Variants in FAM53B observed in about 807,000 individuals in gnomAD.
The protein encoded by FAM53B is family with sequence similarity 53 member B.
FAM53B carries 12 observed loss-of-function variants against 32.7 expected under a neutral mutation model. That is an observed-to-expected ratio of 0.37 (90% CI 0.24 to 0.59). FAM53B has a LOEUF of 0.59. Ranked by LOEUF, FAM53B falls within the 20% of genes least tolerant of loss-of-function variation. The probability of loss-of-function intolerance (pLI) is 0.72; values close to 1 mark genes in which losing one functional copy is unlikely to be tolerated. For synonymous variants in FAM53B, 234 were observed against 228.7 expected, an observed-to-expected ratio of 1.02 and a Z score of -0.21; for missense variants, 477 against 577.7, an observed-to-expected ratio of 0.83 and a Z score of 1.79.
At chr10:124,720,675 C>T (rs1270775975) in intron 1 of FAM53B, among the ~76,000 whole-genome samples, 1 of 152,140 alleles carries the variant, frequency 6.6e-6, no homozygotes, top group Non-Finnish European at 1.5e-5. Context: ...CAACTGTACT[C>T]ATTCATTCAA....
rs1554900818 is a variant in FAM53B at position 124,619,677 on chromosome 10, C to CTTCT, written c.*3561_*3564dup. 1 of 152,242 alleles carries CTTCT rather than the reference C, an allele frequency of 6.6e-6. No individual in the cohort carries two copies. Among genetic ancestry groups the CTTCT allele is most frequent in the Non-Finnish European group, 1.5e-5 (1 of 67,946 alleles). 9.4% of individuals were successfully genotyped at this position (152,242 alleles called of 1,614,324 possible). A position where few individuals can be genotyped will look rare whatever the true frequency, so the allele number is the denominator to read the frequency against. Reference sequence around the variant, plus strand: ...CATTAAAAAAAAAAAAAATCTTTCTCTTCTTTTCTCTTTAAAGAGGCATGA... The same window carrying CTTCT: ...CATTAAAAAAAAAAAAAATCTTTCTCTTCTTTCTTTTCTCTTTAAAGAGGCATGA... On this transcript the variant is annotated 3_prime_UTR_variant, in exon 5 of 5. Transcript: ENST00000337318.
At chr10:124,701,249 G>A (rs1158402892) in intron 2 of FAM53B, among the ~76,000 whole-genome samples, 1 of 152,258 alleles carries the variant, frequency 6.6e-6, no homozygotes, top group Non-Finnish European at 1.5e-5. Flanking sequence ...CAGTGCCCAG[G>A]CAACTGGGTG....
chr10:124,688,631 A>C (rs1249499676), intron 3 of FAM53B, among the ~76,000 whole-genome samples: 1 of 152,224 alleles, frequency 6.6e-6, no homozygotes, highest in Non-Finnish European at 1.5e-5. Flanking sequence ...TGAGTTGCCT[A>C]CATATGCAGA....
intron 4 of FAM53B, among the ~76,000 whole-genome samples, chr10:124,675,498 CA>C (rs1435590766): frequency 1.3e-5 from 2 of 152,202 alleles, no homozygotes; most frequent in Non-Finnish European, 2.9e-5. Context: ...TCAAAGCTGG[CA>C]TTTGCTGAGT....
intron 3 of FAM53B, among the ~76,000 whole-genome samples, chr10:124,687,708 G>T (rs1949811041): frequency 6.6e-6 from 1 of 152,126 alleles, no homozygotes; most frequent in South Asian, 2.1e-4. Context: ...TAAAATGCAG[G>T]TTTCTAGACC....
intron 4 of FAM53B, among the ~76,000 whole-genome samples, chr10:124,640,678 A>C (rs1003015488): frequency 2.0e-5 from 3 of 152,200 alleles, no homozygotes; most frequent in Admixed American, 6.5e-5. Flanking sequence ...GGATCGCCCC[A>C]CTAAACCCTC....
chr10:124,704,946 G>A (rs911399726), intron 2 of FAM53B, among the ~76,000 whole-genome samples: 1 of 152,234 alleles, frequency 6.6e-6, no homozygotes, highest in Non-Finnish European at 1.5e-5. Context: ...CAGCAAATGT[G>A]AACTGGAAAG....
chr10:124,700,682 TAAAG>T (rs1949909864), intron 2 of FAM53B, among the ~76,000 whole-genome samples: 1 of 152,188 alleles, frequency 6.6e-6, no homozygotes, highest in Non-Finnish European at 1.5e-5. Context: ...CTGGCTTAAA[TAAAG>T]ACACAATTAA....
intron 4 of FAM53B, among the ~76,000 whole-genome samples, chr10:124,653,050 G>A (rs1285783623): frequency 6.6e-6 from 1 of 152,186 alleles, no homozygotes; most frequent in Non-Finnish European, 1.5e-5. Context: ...TTGAGGCCAG[G>A]ACAGCATTTT....
chr10:124,701,397 G>A (rs1018166389), intron 2 of FAM53B, among the ~76,000 whole-genome samples: 4 of 152,232 alleles, frequency 2.6e-5, no homozygotes, highest in South Asian at 2.1e-4. Context: ...TGGTTGTTAC[G>A]TGGAAAGTCA....
At chr10:124,657,059 T>G (rs527357186) in intron 4 of FAM53B, among the ~76,000 whole-genome samples, 28 of 79,026 alleles carry the variant, frequency 3.5e-4, no homozygotes, top group African/African-American at 9.2e-4. Context: ...TATGTATATA[T>G]GTATATATAT....
intron 4 of FAM53B, among the ~76,000 whole-genome samples, chr10:124,654,235 C>T (rs1486394958): frequency 6.6e-6 from 1 of 152,264 alleles, no homozygotes; most frequent in African/African-American, 2.4e-5. Context: ...GTGCGATTGT[C>T]ATCGTCATGC....
rs3781456 is a variant in FAM53B at position 124,659,039 on chromosome 10, C to A, written c.906+22568G>T. On this transcript the variant is annotated intron_variant, in intron 4 of 4. Transcript: ENST00000337318. Reference sequence around the variant, plus strand: ...TAACCTGGCATGACAATAACAGTAGCTGTGTCCCAGATACTGGGATGGCGA... The same window carrying A: ...TAACCTGGCATGACAATAACAGTAGATGTGTCCCAGATACTGGGATGGCGA... Among the ~76,000 whole-genome samples, 664 of 152,324 alleles carry A rather than the reference C, an allele frequency of 4.4e-3. 25 individuals carry two copies. In the East Asian group the frequency reaches 0.089, roughly 20 times the overall value.
At chr10:124,698,200 C>G (rs1261178175) in intron 2 of FAM53B, among the ~76,000 whole-genome samples, 1 of 152,164 alleles carries the variant, frequency 6.6e-6, no homozygotes, top group African/African-American at 2.4e-5. Flanking sequence ...GCCCCCAGCC[C>G]GTGCCTGCCA....
At chr10:124,667,428 A>C in intron 4 of FAM53B, 2 of 767,452 alleles carry the variant, frequency 2.6e-6, no homozygotes, top group Non-Finnish European at 4.9e-6. Flanking sequence ...TATCTGGAGG[A>C]GAAAATACAA....
chr10:124,718,865 G>A (rs941060782), intron 1 of FAM53B, among the ~76,000 whole-genome samples: 20 of 152,296 alleles, frequency 1.3e-4, no homozygotes, highest in African/African-American at 4.8e-4. Context: ...TGGGCAACAT[G>A]GAGAAATCCC....
chr10:124,684,892 A>T (rs1589750207), intron 3 of FAM53B, among the ~76,000 whole-genome samples: 1 of 152,238 alleles, frequency 6.6e-6, no homozygotes, highest in Non-Finnish European at 1.5e-5. Context: ...GATTTAAAAG[A>T]AAACAGAAAG....
intron 4 of FAM53B, among the ~76,000 whole-genome samples, chr10:124,661,773 T>C (rs1368088024): frequency 6.6e-6 from 1 of 152,238 alleles, no homozygotes; most frequent in Non-Finnish European, 1.5e-5. Flanking sequence ...CCCACTTAAA[T>C]TCAAGTTTCA....
intron 4 of FAM53B, among the ~76,000 whole-genome samples, chr10:124,647,560 G>T (rs900229912): frequency 1.3e-5 from 2 of 152,228 alleles, no homozygotes; most frequent in Admixed American, 6.5e-5. Flanking sequence ...GAACAAGTGT[G>T]AGCAGAGATG....
Sources: gnomAD v4.1 joint callset for allele counts (sites outside exome capture counted in the v4.1 genomes callset) on GRCh38, gnomAD v4.1.1 for gene constraint, MANE v1.5 for transcripts, NCBI Gene and HGNC (gene_info 2026-07-23, HGNC 2026-07-21) for gene names.